Variants in ISM1 observed in about 807,000 individuals in gnomAD.
ISM1 encodes isthmin-1.
In ISM1, 25 loss-of-function variants were observed where a neutral mutation model predicts 46.3. That is an observed-to-expected ratio of 0.54 (90% CI 0.39 to 0.75). ISM1 has a LOEUF of 0.75. ISM1 is among the 30% of genes least tolerant of loss of function. The pLI is 0.00. For synonymous variants in ISM1, 255 were observed against 256.7 expected (o/e 0.99, Z 0.06); for missense variants, 536 against 625.4 (o/e 0.86, Z 1.52).
chr20:13,317,589 T>A, the ISM1 span, among the ~76,000 whole-genome samples: 3 of 152,104 alleles, frequency 2.0e-5, no homozygotes, highest in South Asian at 2.1e-4. Context: ...GACAAAAGAA[T>A]AGGCAAATAG....
chr20:13,287,410 T>C (rs2040306005), intron 3 of ISM1, among the ~76,000 whole-genome samples: 1 of 152,160 alleles, frequency 6.6e-6, no homozygotes, highest in Non-Finnish European at 1.5e-5. Context: ...GGCCCCACTC[T>C]TGACACATAG....
At chr20:13,325,560 G>T in the ISM1 span, among the ~76,000 whole-genome samples, 853 of 152,282 alleles carry the variant, frequency 5.6e-3, 1 homozygote, top group Non-Finnish European at 7.1e-3. Context: ...CAGTTACCTA[G>T]TTGTCCCCAG....
At chr20:13,296,813 T>A (rs542581714) in intron 5 of ISM1, among the ~76,000 whole-genome samples, 2 of 151,808 alleles carry the variant, frequency 1.3e-5, no homozygotes, top group African/African-American at 4.8e-5. Context: ...AAGTCAGGAG[T>A]TCAAGACCAA....
At chr20:13,316,945 C>T in the ISM1 span, among the ~76,000 whole-genome samples, 5 of 149,942 alleles carry the variant, frequency 3.3e-5, no homozygotes, top group African/African-American at 1.2e-4. Context: ...TGCAATAAGA[C>T]AAGAAAAAGA....
rs753984610 is a variant in ISM1, at chr20:13,288,587, G to A, written c.691G>A (p.Val231Ile). 9.3e-6 allele frequency: 15 copies of A among 1,613,950 alleles called. No individual in the cohort carries two copies. The highest frequency in any genetic ancestry group is 2.2e-5 in the East Asian group (1 of 44,872). ...CTGGAGTCTCTGGTCTGTCTGCAGCGTCACCTGCGGGAACGGCAACCAGAA... is the reference window on the plus strand; with the variant it reads ...CTGGAGTCTCTGGTCTGTCTGCAGCATCACCTGCGGGAACGGCAACCAGAA... ...GDWSLWSVCS[V>I]TCGNGNQKRT... Residue 231 changes from valine (V) to isoleucine (I), a missense_variant, in exon 4 of 6, where the codon GTC becomes ATC. Physicochemically the swap from Val to Ile is conservative, Grantham distance 29. Transcript: ENST00000262487.
intron 2 of ISM1, among the ~76,000 whole-genome samples, chr20:13,277,531 T>C (rs1255337389): frequency 6.6e-6 from 1 of 152,230 alleles, no homozygotes; most frequent in African/African-American, 2.4e-5. Context: ...CTTGTCTTTC[T>C]GAGCTTCTGT....
In ISM1 at chr20:13,288,642, C is replaced by T. The variant is rs1272200676; in HGVS notation, c.746C>T (p.Thr249Ile). The T allele has an allele frequency of 6.2e-7, 1 of 1,613,914 alleles. No homozygotes were observed. The highest frequency in any genetic ancestry group is 1.3e-5 in the African/African-American group (1 of 74,922). The stretch of plus-strand genomic sequence containing the variant: ...ACCCGGTCTTGTGGCTACGCGTGCA[C>T]TGCAACAGAATCGAGGACCTGTGAC... ...KRTRSCGYACTATESRTCDRP... is the reference protein window; with the variant it reads ...KRTRSCGYACIATESRTCDRP... The change falls in exon 4 of 6, where the codon ACT (threonine) becomes ATT (isoleucine). Residue 249 changes from threonine (T) to isoleucine (I), a missense_variant. By Grantham distance (89) the Thr-to-Ile change is moderately conservative. Transcript: ENST00000262487.
intron 4 of ISM1, among the ~76,000 whole-genome samples, chr20:13,289,667 G>A (rs906094243): frequency 1.0e-5 from 1 of 96,636 alleles, no homozygotes; most frequent in Admixed American, 9.6e-5. Flanking sequence ...AGAAGGAGGA[G>A]GAGGAGGGGG....
At chr20:13,260,922 G>A (rs2039982384) in intron 1 of ISM1, among the ~76,000 whole-genome samples, 1 of 152,188 alleles carries the variant, frequency 6.6e-6, no homozygotes, top group African/African-American at 2.4e-5. Flanking sequence ...GTCTCCATCT[G>A]AGTGACTGGC....
intron 1 of ISM1, among the ~76,000 whole-genome samples, chr20:13,253,391 C>T (rs2039889065): frequency 6.6e-6 from 1 of 152,180 alleles, no homozygotes; most frequent in Non-Finnish European, 1.5e-5. Flanking sequence ...GGCCTTGGAG[C>T]TCATTCGCTG....
intron 1 of ISM1, among the ~76,000 whole-genome samples, chr20:13,247,731 A>T: frequency 6.6e-6 from 1 of 152,132 alleles, no homozygotes; most frequent in East Asian, 1.9e-4. Context: ...CATAAAGGAG[A>T]GGAAACCTGA....
At chr20:13,231,470 C>T (rs765287065) in intron 1 of ISM1, among the ~76,000 whole-genome samples, 2 of 152,128 alleles carry the variant, frequency 1.3e-5, no homozygotes, top group South Asian at 2.1e-4. Context: ...CCTTTACTAT[C>T]TTAGGTGGGA....
chr20:13,312,046 T>C, the ISM1 span, among the ~76,000 whole-genome samples: 4 of 147,670 alleles, frequency 2.7e-5, no homozygotes, highest in African/African-American at 1.0e-4. Flanking sequence ...AGACAATTAA[T>C]CATTTGTCAG....
chr20:13,262,767 A>G (rs1391057326), intron 1 of ISM1, among the ~76,000 whole-genome samples: 2 of 152,180 alleles, frequency 1.3e-5, no homozygotes, highest in African/African-American at 4.8e-5. Context: ...AGAACCTTCA[A>G]TGAGGAGAGA....
chr20:13,222,460 G>A (rs2039461846), intron 1 of ISM1, among the ~76,000 whole-genome samples: 1 of 152,018 alleles, frequency 6.6e-6, no homozygotes, highest in Admixed American at 6.5e-5. Context: ...CTTGCTTCCA[G>A]TGTTCCTCTT....
intron 1 of ISM1, among the ~76,000 whole-genome samples, chr20:13,266,796 A>G (rs2040047719): frequency 6.6e-6 from 1 of 152,158 alleles, no homozygotes; most frequent in South Asian, 2.1e-4. Flanking sequence ...AAAATATTTT[A>G]CTTTTAACCT....
chr20:13,239,870 T>G (rs915775796), intron 1 of ISM1, among the ~76,000 whole-genome samples: 1 of 152,238 alleles, frequency 6.6e-6, no homozygotes, highest in African/African-American at 2.4e-5. Context: ...GCAAGTCATC[T>G]TTCATGAAGC....
intron 5 of ISM1, among the ~76,000 whole-genome samples, chr20:13,298,466 G>C (rs188852290): frequency 6.6e-6 from 1 of 152,170 alleles, no homozygotes; most frequent in Admixed American, 6.5e-5. Context: ...TCTTAAGTTT[G>C]TTAGGAGTGA....
chr20:13,285,058 A>G, intron 3 of ISM1, among the ~76,000 whole-genome samples: 1 of 152,206 alleles, frequency 6.6e-6, no homozygotes. Flanking sequence ...AGGCCAAGGC[A>G]GGAGGATTGC....
Sources: allele counts gnomAD v4.1 joint callset (sites outside exome capture counted in the v4.1 genomes callset), GRCh38; gene constraint gnomAD v4.1.1; transcripts MANE v1.5; gene names NCBI Gene and HGNC (gene_info 2026-07-23, HGNC 2026-07-21).